PCDH9: variants seen among roughly 807,000 people sequenced by gnomAD.
The protein encoded by PCDH9 is protocadherin 9.
Under a neutral mutation model 70.6 loss-of-function variants are expected in PCDH9, and 24 were observed. The ratio of observed to expected loss-of-function variants is 0.34; its 90% CI spans 0.25 to 0.48. The LOEUF is 0.48. PCDH9 is among the 20% of genes least tolerant of loss of function. The pLI is 0.99. For missense variants in PCDH9, 1,281 were observed against 1,503.6 expected (o/e 0.85, Z 2.45); for synonymous variants, 562 against 558.5 (o/e 1.01, Z -0.09).
At chr13:66,934,846 G>A (rs1270155608) in intron 2 of PCDH9, among the ~76,000 whole-genome samples, 6 of 140,946 alleles carry the variant, frequency 4.3e-5, no homozygotes, top group African/African-American at 1.3e-4. Flanking sequence ...TCAGCCTCCC[G>A]AGTAGCTGGG....
intron 2 of PCDH9, among the ~76,000 whole-genome samples, chr13:66,961,764 C>G (rs1053037660): frequency 6.6e-6 from 1 of 151,944 alleles, no homozygotes; most frequent in African/African-American, 2.4e-5. Context: ...GATTATAAAT[C>G]ATAGATGACC....
intron 4 of PCDH9, among the ~76,000 whole-genome samples, chr13:66,341,799 C>T (rs1956131340): frequency 6.6e-6 from 1 of 152,126 alleles, no homozygotes. Context: ...AGAACGAGGC[C>T]ATGGTCAGGG....
intron 2 of PCDH9, among the ~76,000 whole-genome samples, chr13:67,068,245 GTTTA>G (rs953243264): frequency 1.5e-4 from 23 of 151,290 alleles, no homozygotes; most frequent in African/African-American, 4.1e-4. Flanking sequence ...TTTATTAAAA[GTTTA>G]TTTATTTAAT....
At chr13:66,972,643 G>A (rs1050882643) in intron 2 of PCDH9, among the ~76,000 whole-genome samples, 1 of 151,892 alleles carries the variant, frequency 6.6e-6, no homozygotes, top group Non-Finnish European at 1.5e-5. Flanking sequence ...ACTAATTTGT[G>A]GCCTAGCTAT....
At chr13:66,307,840 G>A (rs534315512) in intron 4 of PCDH9, among the ~76,000 whole-genome samples, 2 of 152,144 alleles carry the variant, frequency 1.3e-5, no homozygotes, top group East Asian at 3.9e-4. Flanking sequence ...TTGTGTGCGC[G>A]TTTATAAGAA....
chr13:66,692,359 C>A (rs528465471), intron 3 of PCDH9, among the ~76,000 whole-genome samples: 2 of 152,034 alleles, frequency 1.3e-5, no homozygotes, highest in African/African-American at 4.8e-5. Flanking sequence ...GTTTTGAAGA[C>A]CTTTGCATAA....
intron 3 of PCDH9, among the ~76,000 whole-genome samples, chr13:66,869,211 G>C (rs901672095): frequency 6.6e-6 from 1 of 152,104 alleles, no homozygotes; most frequent in East Asian, 1.9e-4. Context: ...TGATTGAAAG[G>C]TGACAAAATT....
chr13:66,349,092 A>C (rs532619310), intron 4 of PCDH9, among the ~76,000 whole-genome samples: 2 of 152,260 alleles, frequency 1.3e-5, no homozygotes, highest in South Asian at 4.1e-4. Flanking sequence ...CAGTGGTGCA[A>C]TTCTGAATTA....
intron 4 of PCDH9, among the ~76,000 whole-genome samples, chr13:66,579,563 A>G (rs1171469041): frequency 6.6e-6 from 1 of 152,060 alleles, no homozygotes; most frequent in Non-Finnish European, 1.5e-5. Flanking sequence ...GGTGTGATGG[A>G]GAAAAGAAGA....
intron 3 of PCDH9, among the ~76,000 whole-genome samples, chr13:66,827,106 T>C (rs1412563969): frequency 1.3e-5 from 2 of 151,982 alleles, no homozygotes; most frequent in Non-Finnish European, 2.9e-5. Flanking sequence ...GTAGGAGACA[T>C]GAAGCAAGAG....
At chr13:67,084,081 A>G (rs1038319374) in intron 2 of PCDH9, among the ~76,000 whole-genome samples, 3 of 152,192 alleles carry the variant, frequency 2.0e-5, no homozygotes, top group Non-Finnish European at 4.4e-5. Context: ...GCTTGCCCTG[A>G]GAAGTGAATA....
At chr13:67,011,612 G>A (rs546336487) in intron 2 of PCDH9, among the ~76,000 whole-genome samples, 1 of 151,872 alleles carries the variant, frequency 6.6e-6, no homozygotes, top group African/African-American at 2.4e-5. Context: ...TCACTAGAAC[G>A]TTGTAATAGG....
At chr13:66,881,684 G>A (rs1419276908) in intron 3 of PCDH9, among the ~76,000 whole-genome samples, 1 of 152,108 alleles carries the variant, frequency 6.6e-6, no homozygotes, top group Non-Finnish European at 1.5e-5. Flanking sequence ...ATTTTACAAG[G>A]TGTGGGAAAA....
At position 67,172,999 on chromosome 13, in the gene PCDH9, G is replaced by A. The variant is rs749711740; in HGVS notation, c.3036+52406C>T. On this transcript the variant is annotated intron_variant, in intron 2 of 4. Coordinates refer to ENST00000377865, the MANE Select transcript of PCDH9 (RefSeq NM_203487.3). ...AAAATAATGCAGAAAACATAACTTT[G>A]CAACCCCAAACAGCTAAAGTCTAAA... Among the ~76,000 whole-genome samples the A allele has an allele frequency of 4.6e-5, 7 of 151,260 alleles. No homozygotes were observed. In the East Asian group the frequency reaches 1.4e-3, roughly 29 times the overall value.
At chr13:66,648,061 C>A (rs1404250613) in intron 3 of PCDH9, among the ~76,000 whole-genome samples, 1 of 152,202 alleles carries the variant, frequency 6.6e-6, no homozygotes, top group African/African-American at 2.4e-5. Context: ...AGAGAGATTC[C>A]TAAGGTTTTC....
chr13:66,607,042 TG>T (rs1385263842), intron 4 of PCDH9, among the ~76,000 whole-genome samples: 1 of 152,120 alleles, frequency 6.6e-6, no homozygotes, highest in Non-Finnish European at 1.5e-5. Flanking sequence ...CAAAATTGAC[TG>T]GCTTTCAGAG....
intron 3 of PCDH9, among the ~76,000 whole-genome samples, chr13:66,818,737 C>G (rs2080653222): frequency 6.6e-6 from 1 of 151,896 alleles, no homozygotes; most frequent in South Asian, 2.1e-4. Context: ...TCGAGACCAT[C>G]CTGGCTAACA....
At chr13:66,384,043 T>A (rs1196159192) in intron 4 of PCDH9, among the ~76,000 whole-genome samples, 3 of 152,096 alleles carry the variant, frequency 2.0e-5, no homozygotes, top group Admixed American at 2.0e-4. Context: ...TTCGACAACA[T>A]GAAATTTTAT....
chr13:67,204,745 G>A (rs1243986084), intron 2 of PCDH9: 1 of 152,128 alleles, frequency 6.6e-6, no homozygotes, highest in Non-Finnish European at 1.5e-5. Context: ...TTGAATGTTA[G>A]TCCCTGGATA....
Sources: allele counts gnomAD v4.1 joint callset (sites outside exome capture counted in the v4.1 genomes callset), GRCh38; gene constraint gnomAD v4.1.1; transcripts MANE v1.5; gene names NCBI Gene and HGNC (gene_info 2026-07-23, HGNC 2026-07-21).